Variants in CELF4 observed in about 807,000 individuals in gnomAD.
CELF4 encodes the protein CUGBP Elav-like family member 4.
CELF4 carries 18 observed loss-of-function variants against 59.9 expected under a neutral mutation model. That is an observed-to-expected ratio of 0.30 (90% CI 0.21 to 0.45). The LOEUF (loss-of-function observed/expected upper bound fraction) is 0.45, where lower values mean the gene tolerates loss of function less well. Among genes scored for constraint, CELF4 ranks in the 20% least tolerant of loss-of-function variants. The probability of loss-of-function intolerance (pLI) is 1.00; values close to 1 mark genes in which losing one functional copy is unlikely to be tolerated. For missense variants in CELF4, 456 were observed against 689.0 expected (o/e 0.66, Z 3.79); for synonymous variants, 261 against 267.1 (o/e 0.98, Z 0.22).
At chr18:37,332,534 C>T (rs999795569) in intron 2 of CELF4, among the ~76,000 whole-genome samples, 16 of 152,158 alleles carry the variant, frequency 1.1e-4, no homozygotes, top group Admixed American at 9.2e-4. Flanking sequence ...AGCCTCCACC[C>T]TCTCCTATCT....
chr18:37,352,252 A>G (rs2098457438), intron 2 of CELF4, among the ~76,000 whole-genome samples: 2 of 152,194 alleles, frequency 1.3e-5, no homozygotes, highest in South Asian at 4.1e-4. Context: ...CCACCAAGCA[A>G]GGGGACTATG....
At chr18:37,549,575 T>A (rs2099982505) in intron 1 of CELF4, among the ~76,000 whole-genome samples, 1 of 152,174 alleles carries the variant, frequency 6.6e-6, no homozygotes, top group Non-Finnish European at 1.5e-5. Flanking sequence ...TTTGACTAGG[T>A]TGTAATTTTC....
chr18:37,532,721 T>C (rs894920262), intron 1 of CELF4, among the ~76,000 whole-genome samples: 1 of 152,210 alleles, frequency 6.6e-6, no homozygotes, highest in Non-Finnish European at 1.5e-5. Context: ...CAGCCCCGTA[T>C]TCAACATATA....
At chr18:37,268,684 G>A (rs2078908985) in intron 8 of CELF4, among the ~76,000 whole-genome samples, 1 of 152,176 alleles carries the variant, frequency 6.6e-6, no homozygotes, top group African/African-American at 2.4e-5. Context: ...GAACCCAAGA[G>A]GGGAGATCAG....
chr18:37,565,219 C>T, intron 1 of CELF4, 137 bp downstream of exon 1: 1 of 904,496 alleles, frequency 1.1e-6, no homozygotes, highest in Non-Finnish European at 1.7e-6. Context: ...GTCTCCGCTG[C>T]CCGAGCGCCT....
chr18:37,320,284 C>G (rs1603461719), intron 3 of CELF4, among the ~76,000 whole-genome samples: 2 of 143,982 alleles, frequency 1.4e-5, no homozygotes, highest in Admixed American at 1.4e-4. Flanking sequence ...TGCAGTGAGC[C>G]GAGATCACAC....
At chr18:37,261,736 G>A (rs747127112) in intron 10 of CELF4, among the ~76,000 whole-genome samples, 14 of 152,232 alleles carry the variant, frequency 9.2e-5, no homozygotes, top group Admixed American at 5.2e-4. Flanking sequence ...GAGCCGCTGC[G>A]GCAGCCATCC....
At chr18:37,469,239 C>T (rs1019704347) in intron 2 of CELF4, among the ~76,000 whole-genome samples, 13 of 152,126 alleles carry the variant, frequency 8.5e-5, no homozygotes, top group Non-Finnish European at 1.9e-4. Context: ...CGTGTCATGA[C>T]GGCAGGGGCA....
chr18:37,357,732 A>G (rs2098621855), intron 2 of CELF4, among the ~76,000 whole-genome samples: 7 of 152,234 alleles, frequency 4.6e-5, no homozygotes, highest in Non-Finnish European at 1.5e-5. Context: ...GCAAAGCCAC[A>G]GGGGTGGAGC....
In CELF4 at chr18:37,305,173, C is replaced by T. The variant is rs1291988892; in HGVS notation, c.448+16630G>A. On this transcript the variant is annotated intron_variant, in intron 3 of 12. Transcript: ENST00000420428. Reference sequence around the variant, plus strand: ...AGCCATTAATAACAGGCTGCCGCCACGTTGGGGTAATTTATTCAAATTGCG... The same window carrying T: ...AGCCATTAATAACAGGCTGCCGCCATGTTGGGGTAATTTATTCAAATTGCG... 3.3e-5 allele frequency: 5 copies of T among 152,312 alleles called. 1 individual carries two copies. In the South Asian group the frequency reaches 6.2e-4, roughly 19 times the overall value. 9.4% of individuals were successfully genotyped at this position (152,312 alleles called of 1,614,324 possible).
chr18:37,369,098 AG>A (rs2098826032), intron 2 of CELF4, among the ~76,000 whole-genome samples: 1 of 152,166 alleles, frequency 6.6e-6, no homozygotes, highest in African/African-American at 2.4e-5. Context: ...TTCCCCAGGG[AG>A]ATGGAAACCT....
At chr18:37,431,276 C>T (rs995705844) in intron 2 of CELF4, among the ~76,000 whole-genome samples, 1 of 151,448 alleles carries the variant, frequency 6.6e-6, no homozygotes, top group Non-Finnish European at 1.5e-5. Flanking sequence ...GAGGTCTTAT[C>T]ATCTCATCTT....
intron 2 of CELF4, among the ~76,000 whole-genome samples, chr18:37,406,981 A>C (rs1221401682): frequency 6.6e-6 from 1 of 152,172 alleles, no homozygotes; most frequent in Non-Finnish European, 1.5e-5. Context: ...TCATCCATCC[A>C]AGCAAAGGTG....
At chr18:37,535,139 C>T (rs2099972519) in intron 1 of CELF4, among the ~76,000 whole-genome samples, 1 of 152,166 alleles carries the variant, frequency 6.6e-6, no homozygotes, top group African/African-American at 2.4e-5. Flanking sequence ...AGGTCTTCTC[C>T]AACAATAGAA....
chr18:37,332,875 G>A (rs2097593204), intron 2 of CELF4, among the ~76,000 whole-genome samples: 1 of 152,220 alleles, frequency 6.6e-6, no homozygotes, highest in Admixed American at 6.5e-5. Context: ...AGGGCAGAGG[G>A]CTCTTTGTCT....
At chr18:37,358,298 G>A (rs925657231) in intron 2 of CELF4, among the ~76,000 whole-genome samples, 4 of 152,124 alleles carry the variant, frequency 2.6e-5, no homozygotes, top group African/African-American at 4.8e-5. Context: ...TTTTAAAAAC[G>A]GGAGTTTTTC....
At chr18:37,515,795 G>T (rs1443096546) in intron 1 of CELF4, among the ~76,000 whole-genome samples, 2 of 152,108 alleles carry the variant, frequency 1.3e-5, no homozygotes, top group East Asian at 3.9e-4. Context: ...AGTGCTGACT[G>T]GGAAGGACAG....
At chr18:37,393,770 T>A (rs1189597208) in intron 2 of CELF4, among the ~76,000 whole-genome samples, 2 of 151,774 alleles carry the variant, frequency 1.3e-5, no homozygotes, top group African/African-American at 4.8e-5. Context: ...CCATCCCCAA[T>A]CTGAGCAATC....
intron 3 of CELF4, among the ~76,000 whole-genome samples, chr18:37,277,882 T>C (rs2093585468): frequency 6.6e-6 from 1 of 152,162 alleles, no homozygotes. Context: ...AAAATTCCAC[T>C]TCCTCACTTG....
Sources: allele counts gnomAD v4.1 joint callset (sites outside exome capture counted in the v4.1 genomes callset), GRCh38; gene constraint gnomAD v4.1.1; transcripts MANE v1.5; gene names NCBI Gene and HGNC (gene_info 2026-07-23, HGNC 2026-07-21).